The following CARMIL1 variants were observed in gnomAD, a reference collection of about 807,000 sequenced individuals.
CARMIL1 encodes the protein capping protein regulator and myosin 1 linker 1.
CARMIL1 carries 90 observed loss-of-function variants against 177.1 expected under a neutral mutation model. The observed-to-expected ratio is 0.51, with a 90% confidence interval of 0.43 to 0.61. The LOEUF is 0.61. Ranked by LOEUF, CARMIL1 falls within the 20% of genes least tolerant of loss-of-function variation. The probability of loss-of-function intolerance (pLI) is 0.00; values close to 1 mark genes in which losing one functional copy is unlikely to be tolerated. For synonymous variants in CARMIL1, 577 were observed against 606.2 expected (o/e 0.95, Z 0.71); for missense variants, 1,380 against 1,667.0 (o/e 0.83, Z 3.00).
chr6:25,340,710 A>G (rs1437772043), intron 2 of CARMIL1, among the ~76,000 whole-genome samples: 5 of 150,654 alleles, frequency 3.3e-5, no homozygotes, highest in African/African-American at 1.2e-4. Context: ...AAATGCCTCA[A>G]TGTACAGGAT....
chr6:25,526,474 T>C (rs212941), intron 23 of CARMIL1, among the ~76,000 whole-genome samples: 124,027 of 151,612 alleles, frequency 0.82, 51,088 homozygotes, highest in East Asian at 0.94. Context: ...CCCCTCCCCT[T>C]TCCTTCCCTC....
intron 29 of CARMIL1, among the ~76,000 whole-genome samples, chr6:25,579,260 A>G (rs183137695): frequency 3.3e-3 from 19 of 5,806 alleles, no homozygotes; most frequent in Middle Eastern, 0.062. Context: ...AAGAGTCAGG[A>G]AAAAAAAAAA....
At position 25,428,510 on chromosome 6, in the gene CARMIL1, G is replaced by T. The variant is rs576555187; in HGVS notation, c.249+1950G>T. Among the ~76,000 whole-genome samples the T allele has an allele frequency of 1.4e-4, 22 of 152,132 alleles. No homozygotes were observed. In the East Asian group the frequency reaches 4.1e-3, roughly 28 times the overall value. Reference sequence around the variant, plus strand: ...TTTCAAAATTGTTCTAGTGATTCTAGGTCCTTTGCAATTCCGTATGAATTT... The same window carrying T: ...TTTCAAAATTGTTCTAGTGATTCTATGTCCTTTGCAATTCCGTATGAATTT... On this transcript the variant is annotated intron_variant, in intron 4 of 36. Transcript: ENST00000329474.
intron 2 of CARMIL1, among the ~76,000 whole-genome samples, chr6:25,405,499 T>C (rs575412314): frequency 1.4e-4 from 22 of 152,354 alleles, no homozygotes; most frequent in African/African-American, 4.6e-4. Context: ...AAATCCTTTA[T>C]TAAAGTGGAT....
intron 26 of CARMIL1, among the ~76,000 whole-genome samples, chr6:25,540,295 T>C (rs1168328563): frequency 6.6e-6 from 1 of 152,244 alleles, no homozygotes; most frequent in Non-Finnish European, 1.5e-5. Flanking sequence ...ATGTACCTAA[T>C]AAATTATGGG....
intron 8 of CARMIL1, among the ~76,000 whole-genome samples, chr6:25,465,167 C>A (rs1800490460): frequency 6.6e-6 from 1 of 151,288 alleles, no homozygotes; most frequent in South Asian, 2.1e-4. Flanking sequence ...GTAGGCAGTA[C>A]CTTGCTTGCA....
chr6:25,598,968 C>T (rs1248006757), intron 32 of CARMIL1, among the ~76,000 whole-genome samples: 1 of 152,162 alleles, frequency 6.6e-6, no homozygotes, highest in African/African-American at 2.4e-5. Context: ...GAAAAAGTCC[C>T]GGGGATGTCA....
intron 2 of CARMIL1, among the ~76,000 whole-genome samples, chr6:25,340,289 T>G (rs575959136): frequency 2.0e-5 from 3 of 152,186 alleles, no homozygotes; most frequent in Non-Finnish European, 4.4e-5. Context: ...TAAAGTCAAT[T>G]TCCATTAAAA....
chr6:25,486,299 T>C (rs1312632359), intron 12 of CARMIL1, among the ~76,000 whole-genome samples: 1 of 152,158 alleles, frequency 6.6e-6, no homozygotes, highest in Non-Finnish European at 1.5e-5. Context: ...GCTGAGGAAA[T>C]CCTTCATGCT....
intron 32 of CARMIL1, 76 bp from the exon 33 acceptor site, chr6:25,600,238 T>C (rs1815253328): frequency 7.3e-7 from 1 of 1,368,922 alleles, no homozygotes; most frequent in Non-Finnish European, 1.0e-6. Flanking sequence ...AATCTCCATA[T>C]TTATATTTTG....
intron 2 of CARMIL1, among the ~76,000 whole-genome samples, chr6:25,290,952 C>T (rs1165514359): frequency 6.6e-6 from 1 of 152,076 alleles, no homozygotes; most frequent in African/African-American, 2.4e-5. Flanking sequence ...AGGCACATGC[C>T]ACCATGCCTG....
chr6:25,417,326 A>T (rs1158552685), intron 2 of CARMIL1, among the ~76,000 whole-genome samples: 1 of 152,108 alleles, frequency 6.6e-6, no homozygotes, highest in Non-Finnish European at 1.5e-5. Context: ...TCTTTTGATT[A>T]TCTGATGCCT....
intron 8 of CARMIL1, among the ~76,000 whole-genome samples, 199 bp downstream of exon 8, chr6:25,450,910 C>T (rs1172319334): frequency 2.8e-5 from 1 of 35,806 alleles, no homozygotes. Context: ...TTTTTCTTTT[C>T]CTTCTCCTCT....
intron 23 of CARMIL1, among the ~76,000 whole-genome samples, chr6:25,523,775 G>A (rs1363753062): frequency 6.6e-6 from 1 of 152,190 alleles, no homozygotes; most frequent in Non-Finnish European, 1.5e-5. Context: ...ACTGGAAAGA[G>A]AGGTACAGAG....
chr6:25,405,688 GCTAT>G (rs1203405851), intron 2 of CARMIL1, among the ~76,000 whole-genome samples: 1 of 152,188 alleles, frequency 6.6e-6, no homozygotes, highest in Non-Finnish European at 1.5e-5. Context: ...CCTCTACTAG[GCTAT>G]CTTTTTATTG....
At chr6:25,609,995 G>T in intron 35 of CARMIL1, 55 bp from the exon 36 acceptor site, 1 of 1,526,596 alleles carries the variant, frequency 6.6e-7, no homozygotes, top group Admixed American at 1.9e-5. Context: ...CAGGCTTTAT[G>T]TTCTTGGAAT....
chr6:25,533,459 G>A lies in CARMIL1; in HGVS notation c.2068-4396G>A, dbSNP rs577508042. On this transcript the variant is annotated intron_variant, in intron 24 of 36. Transcript: ENST00000329474. ...ATGATGATAGTACCCATCTATGAAG[G>A]TGATGTAAAGAGTAACTGAGATAAT... Among the ~76,000 whole-genome samples, 17 of 152,274 alleles carry A rather than the reference G, an allele frequency of 1.1e-4. 1 individual carries two copies. The South Asian group carries it at 3.5e-3, about 32-fold the overall frequency.
intron 5 of CARMIL1, among the ~76,000 whole-genome samples, chr6:25,436,476 C>A (rs1191680370): frequency 4.7e-4 from 72 of 152,132 alleles, no homozygotes; most frequent in Admixed American, 4.6e-3. Flanking sequence ...GAACAGTTGC[C>A]CTTCATAAAA....
rs569299736 is a variant in CARMIL1 at position 25,515,837 on chromosome 6, A to G, written c.1795A>G (p.Thr599Ala). Residue 599 changes from threonine (T) to alanine (A), a missense_variant, in exon 21 of 37, where the codon ACT (threonine) becomes GCT (alanine). Thr to Ala is a moderately conservative substitution (Grantham distance 58). Coordinates refer to ENST00000329474, the MANE Select transcript of CARMIL1 (RefSeq NM_017640.6). This position sits in a 1 kb window ranked among gnomAD's most constrained non-coding sequence, Gnocchi z 5.0. Reference protein sequence around the residue: ...KMLAKALQINTKLRTVIWDKN... With the variant: ...KMLAKALQINAKLRTVIWDKN... ...GCTGGCCAAAGCACTGCAGATCAAC[A>G]CTAAGCTCAGGTAGGCAGATCCCAC... 1.2e-6 allele frequency: 2 copies of G among 1,604,160 alleles called. No individual in the cohort carries two copies. The highest frequency in any genetic ancestry group is 1.7e-5 in the Admixed American group (1 of 58,604).
Sources: gnomAD v4.1 joint callset for allele counts (sites outside exome capture counted in the v4.1 genomes callset) on GRCh38, gnomAD v4.1.1 for gene constraint, Gnocchi (gnomAD v3.1) non-coding constraint, MANE v1.5 for transcripts, NCBI Gene and HGNC (gene_info 2026-07-23, HGNC 2026-07-21) for gene names.